Variants in ELAVL2 observed in about 807,000 individuals in gnomAD.
The protein encoded by ELAVL2 is ELAV-like protein 2.
Under a neutral mutation model 34.6 loss-of-function variants are expected in ELAVL2, and 4 were observed. The observed-to-expected ratio is 0.12, with a 90% confidence interval of 0.06 to 0.26. The LOEUF (loss-of-function observed/expected upper bound fraction) is 0.26, where lower values mean the gene tolerates loss of function less well. Ranked by LOEUF, ELAVL2 falls within the 10% of genes least tolerant of loss-of-function variation. ELAVL2 has a pLI of 1.00. For synonymous variants in ELAVL2, 193 were observed against 154.8 expected (o/e 1.25, Z -1.83); for missense variants, 432 against 442.8 (o/e 0.98, Z 0.22).
intron 3 of ELAVL2, among the ~76,000 whole-genome samples, chr9:23,730,439 C>T (rs2046257186): frequency 6.6e-6 from 1 of 152,088 alleles, no homozygotes; most frequent in Non-Finnish European, 1.5e-5. Context: ...ATCTAGCCTG[C>T]CACCTTTTTG....
intron 3 of ELAVL2, among the ~76,000 whole-genome samples, chr9:23,709,337 G>C (rs1263928801): frequency 6.6e-6 from 1 of 152,096 alleles, no homozygotes; most frequent in Non-Finnish European, 1.5e-5. Context: ...CTGATAGTGG[G>C]ATAAGGACTC....
At chr9:23,762,989 A>G (rs1164665251) in intron 1 of ELAVL2, among the ~76,000 whole-genome samples, 1 of 152,088 alleles carries the variant, frequency 6.6e-6, no homozygotes, top group Non-Finnish European at 1.5e-5. Flanking sequence ...AATTACCAAC[A>G]AGGTGACTGA....
intron 1 of ELAVL2, among the ~76,000 whole-genome samples, chr9:23,786,018 A>G (rs767380600): frequency 6.6e-6 from 1 of 152,202 alleles, no homozygotes; most frequent in East Asian, 1.9e-4. Flanking sequence ...CTGATGCTAC[A>G]TTCTATTTTG....
At chr9:23,699,629 TA>T (rs1420759662) in intron 5 of ELAVL2, among the ~76,000 whole-genome samples, 1 of 151,940 alleles carries the variant, frequency 6.6e-6, no homozygotes, top group Non-Finnish European at 1.5e-5. Context: ...GTTTGCAATT[TA>T]AAAAAGTATA....
In ELAVL2 at chr9:23,718,315, C is replaced by T. The variant is rs116680301; in HGVS notation, c.333+12707G>A. 2.8e-3 allele frequency among the ~76,000 whole-genome samples: 426 copies of T among 152,176 alleles called. 2 individuals are homozygous for T. Among genetic ancestry groups the T allele is most frequent in the African/African-American group, 9.6e-3 (398 of 41,504 alleles). ...AAGCCCTATCTACATTACAAGTAAACCATACGCTATCCAAGATTTAGTGTT... is the reference window on the plus strand; with the variant it reads ...AAGCCCTATCTACATTACAAGTAAATCATACGCTATCCAAGATTTAGTGTT... On this transcript the variant is annotated intron_variant, in intron 3 of 6. Coordinates refer to ENST00000397312, the MANE Select transcript of ELAVL2 (RefSeq NM_004432.5).
intron 3 of ELAVL2, among the ~76,000 whole-genome samples, chr9:23,707,625 C>A (rs542882585): frequency 6.6e-6 from 1 of 152,178 alleles, no homozygotes; most frequent in Non-Finnish European, 1.5e-5. Context: ...AACAGCTAAT[C>A]GGTGTGCCTG....
chr9:23,743,223 C>CT (rs749748422), intron 2 of ELAVL2, among the ~76,000 whole-genome samples: 14 of 152,188 alleles, frequency 9.2e-5, no homozygotes, highest in Non-Finnish European at 1.6e-4. Flanking sequence ...GCAAACCACT[C>CT]TGAGACCACA....
At chr9:23,785,220 T>G (rs1238871246) in intron 1 of ELAVL2, among the ~76,000 whole-genome samples, 1 of 152,114 alleles carries the variant, frequency 6.6e-6, no homozygotes, top group Non-Finnish European at 1.5e-5. Flanking sequence ...AGGGAGCCAC[T>G]CCCAGAGTTC....
chr9:23,797,144 T>C (rs1259202235), intron 1 of ELAVL2, among the ~76,000 whole-genome samples: 2 of 152,138 alleles, frequency 1.3e-5, no homozygotes, highest in Admixed American at 1.3e-4. Flanking sequence ...ACAACAGGAT[T>C]TGAAGAGTTT....
In ELAVL2 at chr9:23,761,911, C is replaced by A; in HGVS notation, c.229+95G>T. On this transcript the variant is annotated intron_variant, in intron 2 of 6. Coordinates refer to ENST00000397312, the MANE Select transcript of ELAVL2 (RefSeq NM_004432.5). ...GAGAAAATCTAGATATGTAAAATTG[C>A]AGCAGTGAATTATTTACAAGCAGTA... 6 of 1,381,678 alleles carry A rather than the reference C, an allele frequency of 4.3e-6. No homozygotes were observed. The South Asian group carries it at 9.7e-5, about 22-fold the overall frequency. The allele number at this position is 1,381,678 out of a possible 1,614,324, so 85.6% of individuals were successfully genotyped here. A position where few individuals can be genotyped will look rare whatever the true frequency, so the allele number is the denominator to read the frequency against.
In ELAVL2 at chr9:23,774,339, G is replaced by T. The variant is rs28564658; in HGVS notation, c.-15-12090C>A. ...AAATGGACAGCAAGGCTGCAGAGTCGTGTTGGGAGCCTTTTAACATGGAAA... is the reference window on the plus strand; with the variant it reads ...AAATGGACAGCAAGGCTGCAGAGTCTTGTTGGGAGCCTTTTAACATGGAAA... On this transcript the variant is annotated intron_variant, in intron 1 of 6. Transcript: ENST00000397312. Among the ~76,000 whole-genome samples the T allele has an allele frequency of 4.5e-3, 679 of 151,956 alleles. 6 individuals are homozygous for T. Among genetic ancestry groups the T allele is most frequent in the African/African-American group, 0.015 (633 of 41,408 alleles).
At chr9:23,781,126 G>T (rs1427159815) in intron 1 of ELAVL2, among the ~76,000 whole-genome samples, 1 of 152,080 alleles carries the variant, frequency 6.6e-6, no homozygotes, top group African/African-American at 2.4e-5. Context: ...AGCGAACAGG[G>T]TTATTAAAAG....
chr9:23,772,039 A>G (rs1352645012), intron 1 of ELAVL2, among the ~76,000 whole-genome samples: 1 of 151,988 alleles, frequency 6.6e-6, no homozygotes, highest in East Asian at 1.9e-4. Flanking sequence ...AAAATCAACT[A>G]CTCCCTCAGT....
chr9:23,718,206 T>A (rs756526428), intron 3 of ELAVL2, among the ~76,000 whole-genome samples: 1 of 152,156 alleles, frequency 6.6e-6, no homozygotes, highest in Non-Finnish European at 1.5e-5. Flanking sequence ...GAAAAATTCC[T>A]AACAAATAAT....
chr9:23,717,564 G>GA (rs2042632678), intron 3 of ELAVL2, among the ~76,000 whole-genome samples: 1 of 152,170 alleles, frequency 6.6e-6, no homozygotes, highest in South Asian at 2.1e-4. Context: ...CTGTGCTTTT[G>GA]AATGAGACAT....
intron 4 of ELAVL2, among the ~76,000 whole-genome samples, chr9:23,702,300 GAAGTA>G (rs1289930822): frequency 3.9e-5 from 6 of 152,010 alleles, no homozygotes; most frequent in Non-Finnish European, 8.8e-5. Flanking sequence ...TAAATTTCTA[GAAGTA>G]AAGCATCAAA....
the ELAVL2 span, chr9:23,849,878 G>A: frequency 6.6e-6 from 1 of 151,918 alleles, no homozygotes; most frequent in Non-Finnish European, 1.5e-5. Context: ...GAGAAGAAAT[G>A]GTAATTTTCG....
chr9:23,789,503 T>G (rs1019236731), intron 1 of ELAVL2, among the ~76,000 whole-genome samples: 22 of 152,194 alleles, frequency 1.4e-4, no homozygotes, highest in African/African-American at 5.3e-4. Context: ...AACTTTTAAT[T>G]ATTTCTCAAA....
chr9:23,772,552 A>AAAAAAAAAAAAAAAAAAAAC, intron 1 of ELAVL2, among the ~76,000 whole-genome samples: 1 of 150,962 alleles, frequency 6.6e-6, no homozygotes. Flanking sequence ...AAAAAAAAAA[A>AAAAAAAAAAAAAAAAAAAAC]AAAAAGGCAT....
Sources: gnomAD v4.1 joint callset for allele counts (sites outside exome capture counted in the v4.1 genomes callset) on GRCh38, gnomAD v4.1.1 for gene constraint, MANE v1.5 for transcripts, NCBI Gene and HGNC (gene_info 2026-07-23, HGNC 2026-07-21) for gene names.